Variants in M1AP observed in about 807,000 individuals in gnomAD.
M1AP encodes the protein meiosis 1 associated protein, also known as meiosis 1 arrest protein.
In M1AP, 39 loss-of-function variants were observed where a neutral mutation model predicts 51.2. The observed-to-expected ratio is 0.76, with a 90% CI of 0.59 to 1.00. The LOEUF is 1.00. M1AP is among the 50% of genes least tolerant of loss of function. The pLI is 0.00. For synonymous variants in M1AP, 251 were observed against 249.2 expected (o/e 1.01, Z -0.07); for missense variants, 545 against 641.2 (o/e 0.85, Z 1.62).
chr2:74,562,344 T>C lies in M1AP; in HGVS notation c.1154A>G (p.Tyr385Cys), dbSNP rs1678078359. The C allele has an allele frequency of 6.2e-7, 1 of 1,614,112 alleles. No homozygotes were observed. Among genetic ancestry groups the C allele is most frequent in the South Asian group, 1.1e-5 (1 of 91,096 alleles). The change falls in exon 8 of 11, where the codon TAT (tyrosine) becomes TGT (cysteine). Residue 385 changes from tyrosine (Y) to cysteine (C), a missense_variant. Coordinates refer to ENST00000421985, the MANE Select transcript of M1AP (RefSeq NM_001321739.2). ...HSQRIPASTF[Y>C]VIMPSHSLTL... The stretch of plus-strand genomic sequence containing the variant: ...GAGGGAGTGTGACGGCATGATCACA[T>C]AGAAGGTGCTGGCAGGAATTCTCTG...
Position 74,615,066 on chromosome 2 carries a change from T to G in M1AP, c.324A>C (p.Gln108His). 6.2e-7 allele frequency: 1 copy of G among 1,614,174 alleles called. No homozygotes were observed. The highest frequency in any genetic ancestry group is 8.5e-7 in the Non-Finnish European group (1 of 1,180,008). ...CTACTGCCAGCCGCAGAGAAGCACC[T>G]TGTGATCTGAAACACCCTTCTCTCT... ...MLQREGCFRS[Q>H]GASLRLAVED... is the part of the protein sequence containing the mutation. Residue 108 changes from glutamine (Q) to histidine (H), a missense_variant, in exon 3 of 11, where the codon CAA becomes CAC. Physicochemically the swap from Gln to His is conservative, Grantham distance 24. Coordinates refer to ENST00000421985, the MANE Select transcript of M1AP (RefSeq NM_001321739.2).
intron 1 of M1AP, 137 bp from the exon 2 acceptor site, chr2:74,640,464 T>A (rs78940725): frequency 1.8e-5 from 3 of 170,930 alleles, no homozygotes; most frequent in Non-Finnish European, 3.1e-5. Flanking sequence ...GGCCATCCTA[T>A]TTTTTTTTTT....
chr2:74,642,109 C>T (rs574449480), intron 1 of M1AP, among the ~76,000 whole-genome samples: 4 of 151,860 alleles, frequency 2.6e-5, no homozygotes, highest in Non-Finnish European at 5.9e-5. Context: ...GGATTACAGG[C>T]GTGAGCCACG....
intron 1 of M1AP, among the ~76,000 whole-genome samples, chr2:74,647,729 T>C (rs1573209436): frequency 6.6e-6 from 1 of 151,938 alleles, no homozygotes; most frequent in Non-Finnish European, 1.5e-5. Context: ...ATGTCTCTAC[T>C]AAAAATATAA....
At chr2:74,628,662 C>G (rs1682536900) in intron 2 of M1AP, 1 of 702,846 alleles carries the variant, frequency 1.4e-6, no homozygotes, top group African/African-American at 1.8e-5. Flanking sequence ...ATCAATGTGA[C>G]TCCACCAACA....
intron 2 of M1AP, 31 bp from the exon 3 acceptor site, chr2:74,615,180 T>G (rs1463212137): frequency 6.3e-7 from 1 of 1,598,224 alleles, no homozygotes; most frequent in Admixed American, 1.7e-5. Flanking sequence ...AAGACACAAG[T>G]CTTTAGGGAC....
chr2:74,571,657 C>T (rs553910396), intron 7 of M1AP, among the ~76,000 whole-genome samples: 38 of 152,172 alleles, frequency 2.5e-4, no homozygotes, highest in Admixed American at 2.6e-4. Flanking sequence ...ATTTTTGCTG[C>T]TTGGAGAAAA....
chr2:74,572,946 T>C (rs560368337), intron 7 of M1AP, among the ~76,000 whole-genome samples: 207 of 152,288 alleles, frequency 1.4e-3, no homozygotes, highest in Non-Finnish European at 2.2e-3. Flanking sequence ...AATAGACAGA[T>C]AGATAAATAC....
At position 74,558,853 on chromosome 2, in the gene M1AP, G is replaced by A. The variant is rs781778476; in HGVS notation, c.1456C>T (p.Arg486Ter). The A allele has an allele frequency of 7.5e-6, 12 of 1,599,736 alleles. No homozygotes were observed. Among genetic ancestry groups the A allele is most frequent in the Non-Finnish European group, 9.4e-6 (11 of 1,174,736 alleles). ...PCKTGQLQTN[R>*]ARATVAPLPM... ...AGGGGGGCCACAGTAGCTCGAGCTC[G>A]GTTGGTCTGCAACTGCCCAGTCTGC... Residue 486 changes from arginine to a stop codon, truncating the protein, a stop_gained, in exon 11 of 11, where the codon CGA becomes TGA. Transcript: ENST00000421985. LOFTEE classifies it low-confidence loss of function (END_TRUNC).
chr2:74,584,021 A>G (rs1184256031), intron 4 of M1AP, among the ~76,000 whole-genome samples: 2 of 152,230 alleles, frequency 1.3e-5, no homozygotes, highest in African/African-American at 4.8e-5. Flanking sequence ...TTTATAAAGC[A>G]ACATGAATCT....
At chr2:74,581,566 A>G (rs1442357815) in intron 5 of M1AP, 108 bp downstream of exon 5, 12 of 1,049,842 alleles carry the variant, frequency 1.1e-5, no homozygotes, top group Non-Finnish European at 1.5e-5. Context: ...ACCCTCTTCC[A>G]GTCCCTAAAC....
intron 2 of M1AP, among the ~76,000 whole-genome samples, chr2:74,626,257 GTTTT>G (rs1337799000): frequency 7.9e-6 from 1 of 125,928 alleles, no homozygotes; most frequent in Non-Finnish European, 1.7e-5. Flanking sequence ...CTATATTTCA[GTTTT>G]TTTTTTTTTT....
intron 7 of M1AP, among the ~76,000 whole-genome samples, chr2:74,568,100 C>T (rs1043490549): frequency 1.3e-5 from 2 of 152,200 alleles, no homozygotes; most frequent in Admixed American, 6.5e-5. Context: ...AGTGAAGAGG[C>T]AGTGGTTGAA....
intron 4 of M1AP, among the ~76,000 whole-genome samples, chr2:74,605,047 A>G (rs542899240): frequency 6.6e-6 from 1 of 152,116 alleles, no homozygotes; most frequent in East Asian, 1.9e-4. Flanking sequence ...TCAAAACTAG[A>G]CTTTTTTTTT....
chr2:74,570,183 G>A (rs1678645152), intron 7 of M1AP, among the ~76,000 whole-genome samples: 1 of 152,072 alleles, frequency 6.6e-6, no homozygotes, highest in African/African-American at 2.4e-5. Context: ...CTTAGTGAGG[G>A]TAAGCAAGTT....
chr2:74,582,560 C>T (rs766319943), intron 4 of M1AP, among the ~76,000 whole-genome samples: 1 of 152,084 alleles, frequency 6.6e-6, no homozygotes, highest in Non-Finnish European at 1.5e-5. Flanking sequence ...AAACTATCTA[C>T]ATATATATAT....
At chr2:74,617,870 C>G (rs1681763087) in intron 2 of M1AP, among the ~76,000 whole-genome samples, 1 of 152,128 alleles carries the variant, frequency 6.6e-6, no homozygotes, top group African/African-American at 2.4e-5. Flanking sequence ...TTAATACTCC[C>G]ACTTCTTTGG....
intron 4 of M1AP, among the ~76,000 whole-genome samples, chr2:74,592,233 G>C (rs1177786607): frequency 6.6e-6 from 1 of 152,014 alleles, no homozygotes; most frequent in Admixed American, 6.6e-5. Context: ...AAGTGGGGCT[G>C]GTGACTTCTA....
At position 74,583,478 on chromosome 2, in the gene M1AP, T is replaced by C. The variant is rs115791383; in HGVS notation, c.596-1631A>G. On this transcript the variant is annotated intron_variant, in intron 4 of 10. Transcript: ENST00000421985. ...GCTTCGGGCAACACTAGCTAAGGAATTGGGGCCTGGGTCTGCAGGTAAAGG... is the reference window on the plus strand; with the variant it reads ...GCTTCGGGCAACACTAGCTAAGGAACTGGGGCCTGGGTCTGCAGGTAAAGG... Among the ~76,000 whole-genome samples the C allele has an allele frequency of 5.2e-3, 787 of 152,234 alleles. 11 individuals are homozygous for C. Among genetic ancestry groups the C allele is most frequent in the African/African-American group, 0.017 (692 of 41,542 alleles).
Sources: gnomAD v4.1 joint callset for allele counts (sites outside exome capture counted in the v4.1 genomes callset) on GRCh38, gnomAD v4.1.1 for gene constraint, MANE v1.5 for transcripts, NCBI Gene and HGNC (gene_info 2026-07-23, HGNC 2026-07-21) for gene names.